The following CUX1 variants were observed in gnomAD, a reference collection of about 807,000 sequenced individuals.
CUX1 encodes cut like homeobox 1.
Under a neutral mutation model 158.8 loss-of-function variants are expected in CUX1, and 31 were observed. That is an observed-to-expected ratio of 0.20 (90% CI 0.15 to 0.26). The LOEUF is 0.26. Among genes scored for constraint, CUX1 ranks in the 10% least tolerant of loss-of-function variants. The pLI is 1.00. For missense variants in CUX1, 1,589 were observed against 2,014.6 expected (o/e 0.79, Z 4.04); for synonymous variants, 879 against 862.1 (o/e 1.02, Z -0.34).
chr7:102,216,500 G>A (rs1363176670), intron 20 of CUX1, among the ~76,000 whole-genome samples: 1 of 135,482 alleles, frequency 7.4e-6, no homozygotes. Context: ...AAAAGAGGGC[G>A]TGCGTGTGTG....
chr7:102,228,033 C>T (rs1235011303), intron 21 of CUX1, among the ~76,000 whole-genome samples: 3 of 148,826 alleles, frequency 2.0e-5, no homozygotes, highest in African/African-American at 7.5e-5. Context: ...TCACTGCAAC[C>T]TCTGCCTCCC....
At chr7:102,159,391 T>C (rs1790157392) in intron 9 of CUX1, among the ~76,000 whole-genome samples, 1 of 152,236 alleles carries the variant, frequency 6.6e-6, no homozygotes, top group African/African-American at 2.4e-5. Flanking sequence ...CCCAGCACAG[T>C]GTCCGGCCCA....
upstream of CUX1, chr7:101,817,287 G>A (rs1791953280): frequency 2.0e-6 from 2 of 984,946 alleles, no homozygotes; most frequent in Non-Finnish European, 2.4e-6. This position sits in a 1 kb window ranked among gnomAD's most constrained non-coding sequence, Gnocchi z 4.1. Context: ...CTGCGGCGCC[G>A]GGTCCCTTCC....
chr7:102,255,983 G>T lies in CUX1; in HGVS notation c.*6941G>T. 1.0e-6 allele frequency: 1 copy of T among 985,414 alleles called. No individual in the cohort carries two copies. Among genetic ancestry groups the T allele is most frequent in the Non-Finnish European group, 1.2e-6 (1 of 829,942 alleles). 61.0% of individuals were successfully genotyped at this position (985,414 alleles called of 1,614,324 possible). A position where few individuals can be genotyped will look rare whatever the true frequency, so the allele number is the denominator to read the frequency against. ...TGAACTCAAAGTAAGCTTTAGACCA[G>T]GACGATTCAGGTTATGAATGAGTTT... On this transcript the variant is annotated 3_prime_UTR_variant, in exon 24 of 24. Coordinates refer to ENST00000292535, the MANE Select transcript of CUX1 (RefSeq NM_181552.4).
Position 102,201,421 on chromosome 7 carries a change from C to A in CUX1, c.2124C>A (p.Ser708=). The A allele has an allele frequency of 1.2e-6, 2 of 1,614,108 alleles. No individual in the cohort carries two copies. Among genetic ancestry groups the A allele is most frequent in the Non-Finnish European group, 1.7e-6 (2 of 1,180,040 alleles). Residue 708 remains serine, a synonymous_variant, in exon 18 of 24, where the codon TCC becomes TCA. Transcript: ENST00000292535. The surrounding 1 kb of genome is among the most constrained non-coding windows in gnomAD (Gnocchi z 5.0). ...GSGNSDDAIR[S]ILQQARREME... ...GGAACTCTGATGACGCCATCCGCTC[C>A]ATCCTGCAGCAAGCCCGCCGGGAGA...
chr7:101,882,039 C>T (rs1247678041), intron 1 of CUX1, among the ~76,000 whole-genome samples: 1 of 150,262 alleles, frequency 6.7e-6, no homozygotes, highest in African/African-American at 2.5e-5. Context: ...AAAAAATCAG[C>T]TGGGCTTGGT....
chr7:101,982,860 A>T (rs1197299442), intron 2 of CUX1, among the ~76,000 whole-genome samples: 1 of 139,954 alleles, frequency 7.1e-6, no homozygotes, highest in African/African-American at 2.6e-5. Flanking sequence ...TCCTAATGCT[A>T]TCCCTCCCCC....
At chr7:101,864,771 G>A (rs1339440737) in intron 1 of CUX1, among the ~76,000 whole-genome samples, 3 of 151,996 alleles carry the variant, frequency 2.0e-5, no homozygotes, top group African/African-American at 7.2e-5. Context: ...GACTGGTCTC[G>A]AACTCCTGAC....
At chr7:101,906,096 G>T (rs935152336) in intron 1 of CUX1, among the ~76,000 whole-genome samples, 12 of 152,152 alleles carry the variant, frequency 7.9e-5, no homozygotes, top group African/African-American at 2.9e-4. Flanking sequence ...AAAGTGTTGG[G>T]ATTACAGGTG....
chr7:101,932,809 A>G (rs1246628212), intron 2 of CUX1, among the ~76,000 whole-genome samples: 7 of 152,240 alleles, frequency 4.6e-5, no homozygotes, highest in Admixed American at 3.9e-4. Context: ...TGTGAATAGA[A>G]ATAAAGAAAT....
At chr7:102,282,966 C>T (rs1792218891) in intron 22 of CUX1, 2 of 1,344,884 alleles carry the variant, frequency 1.5e-6, no homozygotes, top group African/African-American at 2.9e-5. Flanking sequence ...ATGGTACACA[C>T]CCCCCTTCCC....
chr7:102,182,706 C>T (rs781863315), intron 11 of CUX1, among the ~76,000 whole-genome samples: 1 of 152,142 alleles, frequency 6.6e-6, no homozygotes. Context: ...ATAGCCCGAC[C>T]GCCGTGACAA....
chr7:102,165,350 C>CTTTT (rs533978049), intron 9 of CUX1, among the ~76,000 whole-genome samples: 8 of 105,360 alleles, frequency 7.6e-5, no homozygotes, highest in East Asian at 2.3e-4. Context: ...TAGGGGAAAG[C>CTTTT]TTTTTTTTTT....
intron 18 of CUX1, 147 bp from the exon 19 acceptor site, chr7:102,204,244 A>C (rs1795729439): frequency 9.9e-7 from 1 of 1,011,142 alleles, no homozygotes; most frequent in African/African-American, 1.6e-5. Flanking sequence ...CCTGCCCACA[A>C]GCTGTCACCG....
intron 3 of CUX1, among the ~76,000 whole-genome samples, chr7:102,040,478 A>T (rs1198569479): frequency 2.0e-5 from 3 of 152,046 alleles, no homozygotes; most frequent in African/African-American, 4.8e-5. Context: ...CTTTGTAGGG[A>T]CCCTTTGGTC....
At chr7:102,103,218 C>T (rs1829970276) in intron 5 of CUX1, among the ~76,000 whole-genome samples, 1 of 152,212 alleles carries the variant, frequency 6.6e-6, no homozygotes, top group East Asian at 1.9e-4. Context: ...ACGGCACCCT[C>T]TGCTCTGCAC....
At chr7:101,941,156 A>G (rs560064220) in intron 2 of CUX1, among the ~76,000 whole-genome samples, 92 of 152,306 alleles carry the variant, frequency 6.0e-4, no homozygotes, top group Admixed American at 1.6e-3. Context: ...GTTCCCGTCA[A>G]CCTGAGCCCT....
intron 3 of CUX1, among the ~76,000 whole-genome samples, chr7:102,064,759 C>G (rs551487884): frequency 6.6e-6 from 1 of 152,220 alleles, no homozygotes; most frequent in African/African-American, 2.4e-5. Context: ...AGTGACTCGT[C>G]CAGGCCCTGG....
Position 102,254,506 on chromosome 7 carries a change from C to T in CUX1, c.*5464C>T, listed in dbSNP as rs982473441. The T allele has an allele frequency of 4.1e-6, 4 of 985,504 alleles. No homozygotes were observed. The highest frequency in any genetic ancestry group is 2.3e-4 in the East Asian group (2 of 8,816). The allele number at this position is 985,504 out of a possible 1,614,324, so 61.0% of individuals were successfully genotyped here. Reference sequence around the variant, plus strand: ...GAATATGCCAGTTCCCATCCAGCACCGAAGAAAATCAGCTCCTGGGGCTGG... The same window carrying T: ...GAATATGCCAGTTCCCATCCAGCACTGAAGAAAATCAGCTCCTGGGGCTGG... On this transcript the variant is annotated 3_prime_UTR_variant, in exon 24 of 24. Transcript: ENST00000292535.
Sources: allele counts gnomAD v4.1 joint callset (sites outside exome capture counted in the v4.1 genomes callset), GRCh38; gene constraint gnomAD v4.1.1; non-coding constraint Gnocchi (gnomAD v3.1); transcripts MANE v1.5; gene names NCBI Gene and HGNC (gene_info 2026-07-23, HGNC 2026-07-21).